Variants in GALNT13 observed in about 807,000 individuals in gnomAD.
GALNT13 encodes the protein UDP-GalNAc:polypeptide N-acetylgalactosaminyltransferase 13.
GALNT13 carries 28 observed loss-of-function variants against 64.2 expected under a neutral mutation model. The observed-to-expected ratio is 0.44, with a 90% CI of 0.32 to 0.60. The LOEUF (loss-of-function observed/expected upper bound fraction) is 0.60. Among genes scored for constraint, GALNT13 ranks in the 20% least tolerant of loss-of-function variants. The pLI is 0.05. For missense variants in GALNT13, 577 were observed against 669.8 expected (o/e 0.86, Z 1.53); for synonymous variants, 214 against 224.6 (o/e 0.95, Z 0.42).
the GALNT13 span, among the ~76,000 whole-genome samples, chr2:153,828,468 C>A: frequency 6.6e-6 from 1 of 152,194 alleles, no homozygotes; most frequent in Admixed American, 6.5e-5. Context: ...CGGCTTGGGG[C>A]TTGCAACCTC....
chr2:153,344,369 A>G, the GALNT13 span, among the ~76,000 whole-genome samples: 2 of 152,340 alleles, frequency 1.3e-5, no homozygotes, highest in South Asian at 2.1e-4. Context: ...TTTGAAGAAT[A>G]CAGACCAGTA....
chr2:154,149,470 A>T (rs1355436991), intron 4 of GALNT13, among the ~76,000 whole-genome samples: 6 of 152,120 alleles, frequency 3.9e-5, no homozygotes, highest in Admixed American at 6.5e-5. Context: ...GAAGAAAGTC[A>T]TTGGTAGCTT....
rs889469659 is a variant in GALNT13, at chr2:154,011,102, A to G, written c.142+66463A>G. Among the ~76,000 whole-genome samples the G allele has an allele frequency of 3.3e-5, 5 of 151,424 alleles. No homozygotes were observed. In the East Asian group the frequency reaches 9.7e-4, roughly 30 times the overall value. ...TTTTTCTCAATTTCATTCAATTCAG[A>G]TCTGATTTTTTAAAATTTCTTTTCT... On this transcript the variant is annotated intron_variant, in intron 3 of 12. Coordinates refer to ENST00000392825, the MANE Select transcript of GALNT13 (RefSeq NM_052917.4).
chr2:153,879,479 C>T (rs557634683), intron 1 of GALNT13, among the ~76,000 whole-genome samples: 9 of 151,934 alleles, frequency 5.9e-5, no homozygotes, highest in South Asian at 4.1e-4. Flanking sequence ...AACCCCTTGG[C>T]GCAGCCTCCC....
chr2:153,830,466 T>G, the GALNT13 span, among the ~76,000 whole-genome samples: 1 of 152,184 alleles, frequency 6.6e-6, no homozygotes, highest in East Asian at 1.9e-4. Context: ...CATTTACTAC[T>G]GTCAGCTGAG....
chr2:153,656,554 C>T, the GALNT13 span, among the ~76,000 whole-genome samples: 1 of 151,584 alleles, frequency 6.6e-6, no homozygotes, highest in Non-Finnish European at 1.5e-5. Context: ...GAATCTTGGG[C>T]AAAAGAAAAA....
chr2:153,769,655 T>G, the GALNT13 span, among the ~76,000 whole-genome samples: 19 of 152,124 alleles, frequency 1.2e-4, no homozygotes, highest in Non-Finnish European at 2.5e-4. Flanking sequence ...TTTCCTGAAT[T>G]ATTTTCTAAA....
chr2:153,293,548 A>G, the GALNT13 span, among the ~76,000 whole-genome samples: 1 of 152,160 alleles, frequency 6.6e-6, no homozygotes, highest in Non-Finnish European at 1.5e-5. Flanking sequence ...CAGCCCTGCA[A>G]ACACCTTAAT....
chr2:154,148,328 T>G (rs1188097200), intron 4 of GALNT13, among the ~76,000 whole-genome samples: 1 of 152,076 alleles, frequency 6.6e-6, no homozygotes, highest in Non-Finnish European at 1.5e-5. Flanking sequence ...TCTATCATTG[T>G]TGGACATTTG....
At chr2:153,240,682 T>G in the GALNT13 span, among the ~76,000 whole-genome samples, 2,110 of 152,280 alleles carry the variant, frequency 0.014, 47 homozygotes, top group African/African-American at 0.048. Context: ...GAGGTTTATG[T>G]AACTGCAGCC....
chr2:154,176,407 C>T lies in GALNT13; in HGVS notation c.311+35902C>T, dbSNP rs548434612. On this transcript the variant is annotated intron_variant, in intron 4 of 12. Transcript: ENST00000392825. ...AGCTGGGACTACAGGCGCCCGCCAC[C>T]ACGCCTGGCTAATTTTTTGTATTTT... 4.0e-5 allele frequency among the ~76,000 whole-genome samples: 6 copies of T among 151,764 alleles called. No homozygotes were observed. The East Asian group carries it at 9.7e-4, about 25-fold the overall frequency.
At chr2:153,288,063 G>T in the GALNT13 span, among the ~76,000 whole-genome samples, 19 of 152,126 alleles carry the variant, frequency 1.2e-4, no homozygotes, top group African/African-American at 4.6e-4. Context: ...GCTACTTTCT[G>T]GGGCATAGTT....
the GALNT13 span, among the ~76,000 whole-genome samples, chr2:153,248,964 T>C: frequency 6.6e-6 from 1 of 152,122 alleles, no homozygotes; most frequent in East Asian, 1.9e-4. Flanking sequence ...CCTTGAAAAC[T>C]GGCACAAGAC....
intron 2 of GALNT13, among the ~76,000 whole-genome samples, chr2:153,938,759 A>G (rs1010207563): frequency 3.9e-5 from 6 of 152,020 alleles, no homozygotes; most frequent in African/African-American, 1.5e-4. Context: ...CCTGTGTCCT[A>G]ATCTCCTTGA....
At position 154,154,699 on chromosome 2, in the gene GALNT13, C is replaced by T. The variant is rs562573638; in HGVS notation, c.311+14194C>T. On this transcript the variant is annotated intron_variant, in intron 4 of 12. Transcript: ENST00000392825. The stretch of plus-strand genomic sequence containing the variant: ...AGGAAAAACACCAAACTTAAGATAG[C>T]TTCAGGAGGGATGGCATGCGGTTGA... 3.9e-5 allele frequency among the ~76,000 whole-genome samples: 6 copies of T among 152,052 alleles called. No homozygotes were observed. The East Asian group carries it at 1.2e-3, about 29-fold the overall frequency.
intron 4 of GALNT13, chr2:154,236,191 T>C (rs1174632992): frequency 8.5e-6 from 9 of 1,056,286 alleles, no homozygotes; most frequent in Non-Finnish European, 1.1e-5. Flanking sequence ...GTAATCTTCC[T>C]ACTTTTATAA....
At chr2:153,269,678 C>A in the GALNT13 span, among the ~76,000 whole-genome samples, 1 of 152,024 alleles carries the variant, frequency 6.6e-6, no homozygotes, top group Non-Finnish European at 1.5e-5. Context: ...TTTCACACTG[C>A]TATTAAGATA....
In GALNT13 at chr2:154,301,329, C is replaced by T. The variant is rs62172260; in HGVS notation, c.976-80C>T. 6.7e-5 allele frequency: 78 copies of T among 1,168,848 alleles called. No homozygotes were observed. The African/African-American group carries it at 8.2e-4, about 12-fold the overall frequency. 72.4% of individuals were successfully genotyped at this position (1,168,848 alleles called of 1,614,324 possible). On this transcript the variant is annotated intron_variant, in intron 8 of 12. Transcript: ENST00000392825. ...ATATTTGCTTGAAACATGTAAAATACGAAGATTTGGCCTAAGCTTCAGTTG... is the reference window on the plus strand; with the variant it reads ...ATATTTGCTTGAAACATGTAAAATATGAAGATTTGGCCTAAGCTTCAGTTG...
At chr2:153,582,902 T>G in the GALNT13 span, among the ~76,000 whole-genome samples, 7 of 152,296 alleles carry the variant, frequency 4.6e-5, no homozygotes, top group South Asian at 1.0e-3. Context: ...AATATGAAAA[T>G]ATTTTGTTTT....
Sources: gnomAD v4.1 joint callset for allele counts (sites outside exome capture counted in the v4.1 genomes callset) on GRCh38, gnomAD v4.1.1 for gene constraint, MANE v1.5 for transcripts, NCBI Gene and HGNC (gene_info 2026-07-23, HGNC 2026-07-21) for gene names.